The following KAZN variants were observed in gnomAD, a reference collection of about 807,000 sequenced individuals.
KAZN encodes the protein kazrin, periplakin interacting protein, also known as kazrin.
A neutral mutation model predicts 87.4 loss-of-function variants in KAZN; 40 were observed. The ratio of observed to expected loss-of-function variants is 0.46; its 90% confidence interval spans 0.36 to 0.60. The LOEUF is 0.60. KAZN is among the 20% of genes least tolerant of loss of function. KAZN has a pLI of 0.00. For missense variants in KAZN, 898 were observed against 1,073.9 expected (o/e 0.84, Z 2.29); for synonymous variants, 466 against 458.3 (o/e 1.02, Z -0.22).
intron 1 of KAZN, among the ~76,000 whole-genome samples, chr1:14,687,955 C>T (rs997511780): frequency 6.6e-6 from 1 of 152,154 alleles, no homozygotes; most frequent in Non-Finnish European, 1.5e-5. Flanking sequence ...GCCCAGTGCC[C>T]ACGGCACAGG....
chr1:14,402,713 G>A (rs894364900), intron 2 of KAZN, among the ~76,000 whole-genome samples: 6 of 152,088 alleles, frequency 3.9e-5, no homozygotes, highest in African/African-American at 1.2e-4. Context: ...AGAAGAACCT[G>A]CTCTATCAGT....
intron 3 of KAZN, among the ~76,000 whole-genome samples, chr1:15,038,117 G>A (rs1672522778): frequency 6.6e-6 from 1 of 152,132 alleles, no homozygotes; most frequent in South Asian, 2.1e-4. Flanking sequence ...AGTGGGGCAG[G>A]GTGGCACACG....
At chr1:14,524,595 C>T (rs1210464247) in intron 2 of KAZN, among the ~76,000 whole-genome samples, 1 of 152,126 alleles carries the variant, frequency 6.6e-6, no homozygotes, top group East Asian at 1.9e-4. Context: ...AAGGTACTTG[C>T]TCATTATCTA....
At chr1:15,054,347 C>T (rs141035424) in intron 4 of KAZN, among the ~76,000 whole-genome samples, 1 of 151,998 alleles carries the variant, frequency 6.6e-6, no homozygotes, top group African/African-American at 2.4e-5. Context: ...CTGTCATGAG[C>T]CCCCGGAGCC....
At chr1:14,304,545 G>T (rs1314003130) in intron 2 of KAZN, 1 of 397,926 alleles carries the variant, frequency 2.5e-6, no homozygotes. Context: ...AGGAAGTTTG[G>T]TCTATTTCTT....
intron 13 of KAZN, among the ~76,000 whole-genome samples, chr1:15,105,808 C>G (rs537457240): frequency 6.6e-6 from 1 of 152,294 alleles, no homozygotes; most frequent in Non-Finnish European, 1.5e-5. Flanking sequence ...GACACCCAAG[C>G]TGTTCTCAAA....
At chr1:14,416,990 ATGTG>A (rs546335960) in intron 2 of KAZN, among the ~76,000 whole-genome samples, 127 of 120,250 alleles carry the variant, frequency 1.1e-3, no homozygotes, top group African/African-American at 3.2e-3. Context: ...GTGTATATAT[ATGTG>A]TGTATGTATA....
chr1:14,607,812 A>G (rs762289972), intron 1 of KAZN, among the ~76,000 whole-genome samples: 1 of 152,154 alleles, frequency 6.6e-6, no homozygotes, highest in African/African-American at 2.4e-5. Flanking sequence ...AGCAAAAGGG[A>G]TGTTCCAGGA....
At chr1:14,559,200 C>T (rs529417251) in intron 2 of KAZN, among the ~76,000 whole-genome samples, 1 of 152,146 alleles carries the variant, frequency 6.6e-6, no homozygotes, top group East Asian at 1.9e-4. Flanking sequence ...TAGCAGGATA[C>T]TGCATGTGTA....
At chr1:14,359,993 G>A (rs750216029) in intron 2 of KAZN, among the ~76,000 whole-genome samples, 16 of 152,178 alleles carry the variant, frequency 1.1e-4, no homozygotes, top group Non-Finnish European at 2.1e-4. Context: ...GTCTTGCTAG[G>A]TTGGGGAAGT....
chr1:14,043,328 C>T (rs1007694737), intron 1 of KAZN, among the ~76,000 whole-genome samples: 2 of 152,130 alleles, frequency 1.3e-5, no homozygotes, highest in Non-Finnish European at 2.9e-5. Context: ...TTTTACTTAT[C>T]CATTAATCTG....
chr1:14,041,178 T>C (rs1641823968), intron 1 of KAZN, among the ~76,000 whole-genome samples: 1 of 152,214 alleles, frequency 6.6e-6, no homozygotes, highest in Non-Finnish European at 1.5e-5. Context: ...TTTTGAACAA[T>C]GTCTGTTGCT....
chr1:13,913,876 G>C (rs1171783381), intron 1 of KAZN, among the ~76,000 whole-genome samples: 1 of 152,184 alleles, frequency 6.6e-6, no homozygotes, highest in East Asian at 1.9e-4. Context: ...TGCTTCAGGT[G>C]GTTTGAGAAT....
At position 14,258,202 on chromosome 1, in the gene KAZN, C is replaced by CTT. The variant is rs1650709095; in HGVS notation, c.249+77612_249+77613dup. Among the ~76,000 whole-genome samples, 6 of 110,412 alleles carry CTT rather than the reference C, an allele frequency of 5.4e-5. No individual in the cohort carries two copies. In the South Asian group the frequency reaches 1.8e-3, roughly 33 times the overall value. 72.4% of individuals were successfully genotyped at this position (110,412 alleles called of 152,430 possible). A position where few individuals can be genotyped will look rare whatever the true frequency, so the allele number is the denominator to read the frequency against. On this transcript the variant is annotated intron_variant, in intron 2 of 16. Transcript: ENST00000636203. ...TTTGGGAAACATTTCAAGATTCTTT[C>CTT]TTTCTTTCTTTCTTTCTTTTTTTTT...
rs1162522967 is a variant in KAZN at position 14,280,370 on chromosome 1, C to CA, written c.249+99806dup. On this transcript the variant is annotated intron_variant, in intron 2 of 16. Coordinates refer to the KAZN transcript ENST00000636203. ...TGGGTGACAGAGTGAGACTCCATCT[C>CA]AAAAAAAAAAAAAAAAAAAAAAAAA... Among the ~76,000 whole-genome samples, 101 of 36,850 alleles carry CA rather than the reference C, an allele frequency of 2.7e-3. 12 individuals carry two copies. The highest frequency in any genetic ancestry group is 0.014 in the East Asian group (13 of 910). 24.2% of individuals were successfully genotyped at this position (36,850 alleles called of 152,430 possible).
chr1:14,331,570 A>ATACACATTTATT (rs1457254383), intron 2 of KAZN, among the ~76,000 whole-genome samples: 2 of 152,196 alleles, frequency 1.3e-5, no homozygotes, highest in Non-Finnish European at 2.9e-5. Context: ...AGGTGTCAAA[A>ATACACATTTATT]TTGGGTTAAT....
intron 2 of KAZN, among the ~76,000 whole-genome samples, chr1:14,447,577 C>T (rs984746441): frequency 3.3e-5 from 5 of 152,094 alleles, no homozygotes; most frequent in Admixed American, 3.3e-4. Flanking sequence ...TTAGAATTAC[C>T]TGGGCAATGT....
At chr1:14,976,339 A>T (rs905500951) in intron 2 of KAZN, among the ~76,000 whole-genome samples, 1 of 152,060 alleles carries the variant, frequency 6.6e-6, no homozygotes, top group Admixed American at 6.5e-5. Context: ...GGCCAGGCCT[A>T]CTGTGGAGGC....
chr1:14,450,765 A>G (rs978013730), intron 2 of KAZN, among the ~76,000 whole-genome samples: 3 of 152,112 alleles, frequency 2.0e-5, no homozygotes, highest in Non-Finnish European at 4.4e-5. Context: ...TGAAATTGCA[A>G]AGGAAAGACT....
Sources: gnomAD v4.1 joint callset for allele counts (sites outside exome capture counted in the v4.1 genomes callset) on GRCh38, gnomAD v4.1.1 for gene constraint, MANE v1.5 for transcripts, NCBI Gene and HGNC (gene_info 2026-07-23, HGNC 2026-07-21) for gene names.